Variants in ATP1B2 observed in about 807,000 individuals in gnomAD.
ATP1B2 encodes the protein ATPase Na+/K+ transporting subunit beta 2, also known as sodium/potassium-transporting ATPase subunit beta-2.
In ATP1B2, 12 loss-of-function variants were observed where a neutral mutation model predicts 37.3. That is an observed-to-expected ratio of 0.32 (90% CI 0.21 to 0.52). The LOEUF is 0.52. Ranked by LOEUF, ATP1B2 falls within the 20% of genes least tolerant of loss-of-function variation. ATP1B2 has a pLI of 0.96. For synonymous variants in ATP1B2, 139 were observed against 140.5 expected, an observed-to-expected ratio of 0.99 and a Z score of 0.07; for missense variants, 324 against 391.6, an observed-to-expected ratio of 0.83 and a Z score of 1.46.
intron 1 of ATP1B2, among the ~76,000 whole-genome samples, chr17:7,652,626 G>A (rs536562742): frequency 6.8e-4 from 103 of 152,298 alleles, no homozygotes; most frequent in African/African-American, 2.3e-3. Context: ...GGACTTCATG[G>A]AAGAAGTGTC....
Position 7,654,728 on chromosome 17 carries a change from A to T in ATP1B2, c.609+44A>T. 3 of 1,595,850 alleles carry T rather than the reference A, an allele frequency of 1.9e-6. No individual in the cohort carries two copies. The highest frequency in any genetic ancestry group is 2.6e-6 in the Non-Finnish European group (3 of 1,163,472). On this transcript the variant is annotated intron_variant, in intron 5 of 6. Transcript: ENST00000250111. This position sits in a 1 kb window ranked among gnomAD's most constrained non-coding sequence, Gnocchi z 4.9. ...GTCTGCCTGCTCACCTGAGTGGCTC[A>T]CCTGAGTGTCCTTCATGGTTTCTGT...
At chr17:7,653,087 T>C (rs1277187392) in intron 1 of ATP1B2, among the ~76,000 whole-genome samples, 1 of 152,074 alleles carries the variant, frequency 6.6e-6, no homozygotes, top group African/African-American at 2.4e-5. Context: ...CTATGCATGG[T>C]TGAGAAGTTG....
Position 7,655,249 on chromosome 17 carries a change from A to G in ATP1B2, c.610-278A>G, listed in dbSNP as rs761022304. On this transcript the variant is annotated intron_variant, in intron 5 of 6. Coordinates refer to ENST00000250111, the MANE Select transcript of ATP1B2 (RefSeq NM_001678.5). The surrounding 1 kb of genome is among the most constrained non-coding windows in gnomAD (Gnocchi z 4.4). Reference sequence around the variant, plus strand: ...GCTCTGCTCCAGAAACTGATTCCTGAGGATGGGGTAAGAACTTGGGGTAGG... The same window carrying G: ...GCTCTGCTCCAGAAACTGATTCCTGGGGATGGGGTAAGAACTTGGGGTAGG... The G allele has an allele frequency of 8.6e-5, 44 of 510,202 alleles. No individual in the cohort carries two copies. The highest frequency in any genetic ancestry group is 1.4e-4 in the Non-Finnish European group (39 of 287,244). 31.6% of individuals were successfully genotyped at this position (510,202 alleles called of 1,614,324 possible).
At position 7,656,076 on chromosome 17, in the gene ATP1B2, C is replaced by T. The variant is rs373884143; in HGVS notation, c.*181C>T. 2.2e-5 allele frequency: 18 copies of T among 805,972 alleles called. No individual in the cohort carries two copies. The highest frequency in any genetic ancestry group is 1.9e-4 in the East Asian group (7 of 36,684). The allele number at this position is 805,972 out of a possible 1,614,324, so 49.9% of individuals were successfully genotyped here. On this transcript the variant is annotated 3_prime_UTR_variant, in exon 7 of 7. Coordinates refer to ENST00000250111, the MANE Select transcript of ATP1B2 (RefSeq NM_001678.5). Reference sequence around the variant, plus strand: ...CCTGAAGTCCATTGCGGTTCCGTCACTCGCCTTTCCCACCAACTTCTCCCA... The same window carrying T: ...CCTGAAGTCCATTGCGGTTCCGTCATTCGCCTTTCCCACCAACTTCTCCCA...
chr17:7,647,451 C>A (rs980370520), upstream of ATP1B2, among the ~76,000 whole-genome samples: 1 of 151,956 alleles, frequency 6.6e-6, no homozygotes. Flanking sequence ...TGCTTGAGGC[C>A]AGGAGTTTGA....
At position 7,654,406 on chromosome 17, in the gene ATP1B2, G is replaced by T. The variant is rs964668904; in HGVS notation, c.552+149G>T. 3 of 1,105,624 alleles carry T rather than the reference G, an allele frequency of 2.7e-6. No homozygotes were observed. Among genetic ancestry groups the T allele is most frequent in the Non-Finnish European group, 3.9e-6 (3 of 765,824 alleles). 68.5% of individuals were successfully genotyped at this position (1,105,624 alleles called of 1,614,324 possible). On this transcript the variant is annotated intron_variant, in intron 4 of 6. Transcript: ENST00000250111. This position sits in a 1 kb window ranked among gnomAD's most constrained non-coding sequence, Gnocchi z 4.9. ...GAGAAAAAGAGAGGTGGGACTCTTG[G>T]AGGCTAAGCTCTGCAGTTAGAAGGC...
chr17:7,652,849 C>T (rs2072623024), intron 1 of ATP1B2, among the ~76,000 whole-genome samples: 1 of 152,110 alleles, frequency 6.6e-6, no homozygotes, highest in Non-Finnish European at 1.5e-5. Flanking sequence ...AGATTTGTAG[C>T]TAGGCTAGTG....
chr17:7,656,389 T>C lies in ATP1B2; in HGVS notation c.*494T>C. ...CCGTCCCTTGATCTCTCATACTTTCTCCCTGTCTACACAGTCGCCATCTTG... is the reference window on the plus strand; with the variant it reads ...CCGTCCCTTGATCTCTCATACTTTCCCCCTGTCTACACAGTCGCCATCTTG... On this transcript the variant is annotated 3_prime_UTR_variant, in exon 7 of 7. Transcript: ENST00000250111. The C allele has an allele frequency of 6.0e-6, 1 of 165,892 alleles. No individual in the cohort carries two copies. The highest frequency in any genetic ancestry group is 1.3e-5 in the Non-Finnish European group (1 of 75,734). 10.3% of individuals were successfully genotyped at this position (165,892 alleles called of 1,614,324 possible). A position where few individuals can be genotyped will look rare whatever the true frequency, so the allele number is the denominator to read the frequency against.
In ATP1B2 at chr17:7,654,987, T is replaced by C. The variant is rs1353682932; in HGVS notation, c.609+303T>C. Among the ~76,000 whole-genome samples the C allele has an allele frequency of 6.6e-6, 1 of 152,092 alleles. No homozygotes were observed. Among genetic ancestry groups the C allele is most frequent in the African/African-American group, 2.4e-5 (1 of 41,422 alleles). On this transcript the variant is annotated intron_variant, in intron 5 of 6. Coordinates refer to ENST00000250111, the MANE Select transcript of ATP1B2 (RefSeq NM_001678.5). This position sits in a 1 kb window ranked among gnomAD's most constrained non-coding sequence, Gnocchi z 4.9. ...CTCCCTAACGCTTCCACCTTCTCCT[T>C]CATTCCCAGATTGTCCGTATCGTTC... is the stretch of plus-strand genomic sequence containing the variant.
chr17:7,655,247 T>G lies in ATP1B2; in HGVS notation c.610-280T>G. ...TGGCTCTGCTCCAGAAACTGATTCC[T>G]GAGGATGGGGTAAGAACTTGGGGTA... On this transcript the variant is annotated intron_variant, in intron 5 of 6. Transcript: ENST00000250111. The surrounding 1 kb of genome is among the most constrained non-coding windows in gnomAD (Gnocchi z 4.4). 1 of 508,800 alleles carries G rather than the reference T, an allele frequency of 2.0e-6. No homozygotes were observed. The allele number at this position is 508,800 out of a possible 1,614,324, so 31.5% of individuals were successfully genotyped here.
intron 1 of ATP1B2, among the ~76,000 whole-genome samples, chr17:7,653,097 G>A (rs1341165637): frequency 6.6e-6 from 1 of 152,132 alleles, no homozygotes; most frequent in Non-Finnish European, 1.5e-5. Flanking sequence ...TTGAGAAGTT[G>A]GAAATGTAAT....
In ATP1B2 at chr17:7,654,582, G is replaced by T. The variant is rs770743728; in HGVS notation, c.553-46G>T. The stretch of plus-strand genomic sequence containing the variant: ...TAGCTTGGTCTGGATGCCCATCTTC[G>T]ACAACTTCTTCCTCTGACTCTCTTC... On this transcript the variant is annotated intron_variant, in intron 4 of 6. Transcript: ENST00000250111. The surrounding 1 kb of genome is among the most constrained non-coding windows in gnomAD (Gnocchi z 4.9). 1 of 1,605,276 alleles carries T rather than the reference G, an allele frequency of 6.2e-7. No individual in the cohort carries two copies.
At position 7,654,592 on chromosome 17, in the gene ATP1B2, T is replaced by A; in HGVS notation, c.553-36T>A. 6.2e-7 allele frequency: 1 copy of A among 1,610,910 alleles called. No individual in the cohort carries two copies. The highest frequency in any genetic ancestry group is 8.5e-7 in the Non-Finnish European group (1 of 1,177,150). On this transcript the variant is annotated intron_variant, in intron 4 of 6. Coordinates refer to ENST00000250111, the MANE Select transcript of ATP1B2 (RefSeq NM_001678.5). The surrounding 1 kb of genome is among the most constrained non-coding windows in gnomAD (Gnocchi z 4.9). Reference sequence around the variant, plus strand: ...TGGATGCCCATCTTCGACAACTTCTTCCTCTGACTCTCTTCACCTTCCACC... The same window carrying A: ...TGGATGCCCATCTTCGACAACTTCTACCTCTGACTCTCTTCACCTTCCACC...
Position 7,654,909 on chromosome 17 carries a change from C to G in ATP1B2, c.609+225C>G. Reference sequence around the variant, plus strand: ...TCTCTGGGATGCAGAGGCCTGCTCTCCTAGGGGCCAGACACACGCCCTCCT... The same window carrying G: ...TCTCTGGGATGCAGAGGCCTGCTCTGCTAGGGGCCAGACACACGCCCTCCT... On this transcript the variant is annotated intron_variant, in intron 5 of 6. Transcript: ENST00000250111. The surrounding 1 kb of genome is among the most constrained non-coding windows in gnomAD (Gnocchi z 4.9). The G allele has an allele frequency of 1.8e-6, 1 of 553,444 alleles. No homozygotes were observed. 34.3% of individuals were successfully genotyped at this position (553,444 alleles called of 1,614,324 possible). A position where few individuals can be genotyped will look rare whatever the true frequency, so the allele number is the denominator to read the frequency against.
rs905078933 is a variant in ATP1B2 at position 7,657,397 on chromosome 17, C to T, written c.*1502C>T. 20 of 152,100 alleles carry T rather than the reference C, an allele frequency of 1.3e-4. No homozygotes were observed. The highest frequency in any genetic ancestry group is 1.0e-3 in the Admixed American group (16 of 15,256). 9.4% of individuals were successfully genotyped at this position (152,100 alleles called of 1,614,324 possible). A position where few individuals can be genotyped will look rare whatever the true frequency, so the allele number is the denominator to read the frequency against. ...TTTGCCTTTAAAAAAAAAACAAAAA[C>T]AAAAACAAAAAAACCCATAATGCCC... On this transcript the variant is annotated 3_prime_UTR_variant, in exon 7 of 7. Coordinates refer to ENST00000250111, the MANE Select transcript of ATP1B2 (RefSeq NM_001678.5).
intron 1 of ATP1B2, among the ~76,000 whole-genome samples, chr17:7,652,038 C>G (rs889731720): frequency 6.6e-6 from 1 of 152,088 alleles, no homozygotes; most frequent in Non-Finnish European, 1.5e-5. Context: ...CCCCTGGACC[C>G]TGGGAACGTT....
At chr17:7,647,345 GTCCT>G (rs1031171741), upstream of ATP1B2, among the ~76,000 whole-genome samples, 1 of 152,132 alleles carries the variant, frequency 6.6e-6, no homozygotes, top group Non-Finnish European at 1.5e-5. Context: ...TTTCCTTTCA[GTCCT>G]TCCTTCCTTA....
intron 1 of ATP1B2, among the ~76,000 whole-genome samples, chr17:7,652,153 G>C (rs947371970): frequency 3.3e-5 from 5 of 152,056 alleles, no homozygotes; most frequent in Non-Finnish European, 7.4e-5. Context: ...CTGCTTTGTG[G>C]GTTGGGGGGC....
chr17:7,654,760 C>A lies in ATP1B2; in HGVS notation c.609+76C>A. ...TGTCCTTCATGGTTTCTGTGTAATTCACCTGTCTCTCCCTATCTTCTTTGC... is the reference window on the plus strand; with the variant it reads ...TGTCCTTCATGGTTTCTGTGTAATTAACCTGTCTCTCCCTATCTTCTTTGC... On this transcript the variant is annotated intron_variant, in intron 5 of 6. Coordinates refer to ENST00000250111, the MANE Select transcript of ATP1B2 (RefSeq NM_001678.5). This position sits in a 1 kb window ranked among gnomAD's most constrained non-coding sequence, Gnocchi z 4.9. The A allele has an allele frequency of 6.6e-7, 1 of 1,514,896 alleles. No individual in the cohort carries two copies. The highest frequency in any genetic ancestry group is 9.2e-7 in the Non-Finnish European group (1 of 1,090,108). 93.8% of individuals were successfully genotyped at this position (1,514,896 alleles called of 1,614,324 possible).
Sources: gnomAD v4.1 joint callset for allele counts (sites outside exome capture counted in the v4.1 genomes callset) on GRCh38, gnomAD v4.1.1 for gene constraint, Gnocchi (gnomAD v3.1) non-coding constraint, MANE v1.5 for transcripts, NCBI Gene and HGNC (gene_info 2026-07-23, HGNC 2026-07-21) for gene names.